ALKBH8: variants seen among roughly 807,000 people sequenced by gnomAD.
ALKBH8 encodes alkB homolog 8, tRNA methyltransferase.
ALKBH8 carries 36 observed loss-of-function variants against 59.8 expected under a neutral mutation model. The observed-to-expected ratio is 0.60, with a 90% CI of 0.46 to 0.79. The LOEUF is 0.79. Ranked by LOEUF, ALKBH8 falls within the 30% of genes least tolerant of loss-of-function variation. ALKBH8 has a pLI of 0.00. For missense variants in ALKBH8, 768 were observed against 801.0 expected, an observed-to-expected ratio of 0.96 and a Z score of 0.50; for synonymous variants, 276 against 273.6, an observed-to-expected ratio of 1.01 and a Z score of -0.09.
chr11:107,522,647 A>G (rs1295074692), intron 9 of ALKBH8, 92 bp from the exon 10 acceptor site: 1 of 1,371,434 alleles, frequency 7.3e-7, no homozygotes, highest in South Asian at 1.5e-5. Flanking sequence ...AATCAATGCA[A>G]ATTTGGTGGG....
chr11:107,532,098 G>C (rs1863618636), intron 8 of ALKBH8, among the ~76,000 whole-genome samples: 1 of 152,162 alleles, frequency 6.6e-6, no homozygotes, highest in Admixed American at 6.5e-5. Flanking sequence ...ACTGTACTAT[G>C]CTTGCAAGTT....
chr11:107,524,537 C>T (rs1260002557), intron 9 of ALKBH8, among the ~76,000 whole-genome samples: 1 of 152,168 alleles, frequency 6.6e-6, no homozygotes, highest in African/African-American at 2.4e-5. Context: ...TACCATGTAA[C>T]TCACTATCTG....
intron 6 of ALKBH8, among the ~76,000 whole-genome samples, chr11:107,551,306 C>T (rs139708025): frequency 2.0e-5 from 3 of 152,282 alleles, no homozygotes; most frequent in Non-Finnish European, 4.4e-5. Context: ...GCAAGTTCCT[C>T]AAGGGATTAA....
chr11:107,515,902 C>T (rs1227696247), intron 10 of ALKBH8, among the ~76,000 whole-genome samples: 1 of 152,132 alleles, frequency 6.6e-6, no homozygotes, highest in Non-Finnish European at 1.5e-5. Flanking sequence ...AGCAATTAGG[C>T]AAACCATTTT....
chr11:107,521,151 G>A (rs941240242), intron 10 of ALKBH8, among the ~76,000 whole-genome samples: 6 of 152,094 alleles, frequency 3.9e-5, no homozygotes, highest in Non-Finnish European at 7.4e-5. Flanking sequence ...CAGATACCAA[G>A]GGACTAATAT....
chr11:107,539,103 A>G (rs1236230627), intron 7 of ALKBH8, among the ~76,000 whole-genome samples: 1 of 152,262 alleles, frequency 6.6e-6, no homozygotes, highest in Non-Finnish European at 1.5e-5. Context: ...GCAAAGAGGA[A>G]ATTCCACAAA....
chr11:107,564,472 G>A (rs1865054288), intron 1 of ALKBH8, among the ~76,000 whole-genome samples: 1 of 152,054 alleles, frequency 6.6e-6, no homozygotes, highest in Admixed American at 6.5e-5. Context: ...TTAACGTACG[G>A]CACTGGTATA....
intron 6 of ALKBH8, among the ~76,000 whole-genome samples, chr11:107,551,186 C>T (rs573185561): frequency 3.3e-5 from 5 of 152,266 alleles, no homozygotes; most frequent in South Asian, 2.1e-4. Flanking sequence ...TTACACGTCT[C>T]CTATGTTTTT....
At chr11:107,529,863 AG>A (rs967601487) in intron 8 of ALKBH8, among the ~76,000 whole-genome samples, 36 of 152,298 alleles carry the variant, frequency 2.4e-4, no homozygotes, top group Middle Eastern at 6.8e-3. Flanking sequence ...TGTAACTCTA[AG>A]ATAAAAACAA....
In ALKBH8 at chr11:107,529,762, A is replaced by C. The variant is rs545148396; in HGVS notation, c.878+2538T>G. ...TGTGATCCACCCGCCTTGGCCTCCCAAAGTGCTAGGATTACAGGCATGAGC... is the reference window on the plus strand; with the variant it reads ...TGTGATCCACCCGCCTTGGCCTCCCCAAGTGCTAGGATTACAGGCATGAGC... On this transcript the variant is annotated intron_variant, in intron 8 of 11. Coordinates refer to ENST00000428149, the MANE Select transcript of ALKBH8 (RefSeq NM_138775.3). Among the ~76,000 whole-genome samples the C allele has an allele frequency of 3.2e-4, 48 of 152,138 alleles. No homozygotes were observed. In the East Asian group the frequency reaches 8.5e-3, roughly 27 times the overall value.
intron 7 of ALKBH8, among the ~76,000 whole-genome samples, chr11:107,535,991 T>C (rs868846224): frequency 2.6e-5 from 4 of 152,182 alleles, no homozygotes; most frequent in Non-Finnish European, 5.9e-5. Context: ...AGCCTAAAGG[T>C]TCTTCATACA....
At chr11:107,530,599 T>A (rs1478767822) in intron 8 of ALKBH8, among the ~76,000 whole-genome samples, 1 of 70,284 alleles carries the variant, frequency 1.4e-5, no homozygotes, top group East Asian at 5.6e-4. Flanking sequence ...TCTCTCTTCC[T>A]AACACACACA....
chr11:107,537,074 C>T (rs1863847929), intron 7 of ALKBH8, among the ~76,000 whole-genome samples: 1 of 152,200 alleles, frequency 6.6e-6, no homozygotes, highest in African/African-American at 2.4e-5. Flanking sequence ...CAGCCTGGAG[C>T]CAGACTCCTG....
At chr11:107,505,725 AG>A (rs1229071403) in intron 11 of ALKBH8, among the ~76,000 whole-genome samples, 1 of 152,222 alleles carries the variant, frequency 6.6e-6, no homozygotes, top group African/African-American at 2.4e-5. Flanking sequence ...CAGGCCTTGA[AG>A]GGCTGTAATC....
intron 7 of ALKBH8, among the ~76,000 whole-genome samples, chr11:107,534,144 A>G (rs1462449560): frequency 6.6e-6 from 1 of 152,156 alleles, no homozygotes; most frequent in Non-Finnish European, 1.5e-5. Flanking sequence ...AAAAATAAAT[A>G]AATAAATAAA....
chr11:107,547,111 A>G (rs904423264), intron 7 of ALKBH8, among the ~76,000 whole-genome samples: 1 of 152,248 alleles, frequency 6.6e-6, no homozygotes, highest in African/African-American at 2.4e-5. Context: ...ATTACAAAAA[A>G]CCAAAACAAT....
At chr11:107,555,116 C>T (rs112784671) in intron 3 of ALKBH8, among the ~76,000 whole-genome samples, 2,032 of 152,062 alleles carry the variant, frequency 0.013, 40 homozygotes, top group African/African-American at 0.045. Flanking sequence ...AAAAATTAGC[C>T]GGCCGCAGTG....
chr11:107,552,105 T>C (rs1399754176), intron 5 of ALKBH8, among the ~76,000 whole-genome samples, 193 bp from the exon 6 acceptor site: 1 of 46,288 alleles, frequency 2.2e-5, no homozygotes, highest in Non-Finnish European at 7.5e-5. Flanking sequence ...TTTCATTGAT[T>C]TTTTTTCAGA....
intron 7 of ALKBH8, among the ~76,000 whole-genome samples, chr11:107,537,472 CAT>C (rs1172820068): frequency 3.3e-5 from 5 of 152,158 alleles, no homozygotes; most frequent in Non-Finnish European, 7.4e-5. Flanking sequence ...CCAAATACCA[CAT>C]GTTCTCACTT....
Sources: allele counts gnomAD v4.1 joint callset (sites outside exome capture counted in the v4.1 genomes callset), GRCh38; gene constraint gnomAD v4.1.1; transcripts MANE v1.5; gene names NCBI Gene and HGNC (gene_info 2026-07-23, HGNC 2026-07-21).